Variants in SPRTN observed in about 807,000 individuals in gnomAD.
The protein encoded by SPRTN is DNA-dependent metalloprotease SPRTN.
In SPRTN, 11 loss-of-function variants were observed where a neutral mutation model predicts 31.9. The ratio of observed to expected loss-of-function variants is 0.34; its 90% CI spans 0.22 to 0.57. SPRTN has a LOEUF of 0.57. Ranked by LOEUF, SPRTN falls within the 20% of genes least tolerant of loss-of-function variation. The pLI is 0.86. For missense variants in SPRTN, 482 were observed against 590.1 expected, an observed-to-expected ratio of 0.82 and a Z score of 1.90; for synonymous variants, 185 against 212.1, an observed-to-expected ratio of 0.87 and a Z score of 1.11.
intron 2 of SPRTN, chr1:231,340,104 T>G (rs1686832462): frequency 5.8e-6 from 2 of 343,274 alleles, no homozygotes; most frequent in East Asian, 6.5e-5. Flanking sequence ...GGCTCACGCC[T>G]GTAATCCCGA....
chr1:231,348,043 G>A (rs990483330), intron 3 of SPRTN, 118 bp downstream of exon 3: 55 of 1,403,750 alleles, frequency 3.9e-5, no homozygotes, highest in African/African-American at 2.2e-4. Flanking sequence ...TTTCCACAGC[G>A]AACGAGAGGC....
chr1:231,354,091 G>T lies in SPRTN; in HGVS notation c.*730G>T. On this transcript the variant is annotated 3_prime_UTR_variant, in exon 5 of 5. Coordinates refer to ENST00000295050, the MANE Select transcript of SPRTN (RefSeq NM_032018.7). Reference sequence around the variant, plus strand: ...TGTTTTCTCAAAATTTAGCAGAGTGGTTAAAATTCTGTGCTGATAAGTAAC... The same window carrying T: ...TGTTTTCTCAAAATTTAGCAGAGTGTTTAAAATTCTGTGCTGATAAGTAAC... The T allele has an allele frequency of 1.0e-6, 1 of 984,660 alleles. No individual in the cohort carries two copies. The highest frequency in any genetic ancestry group is 1.2e-6 in the Non-Finnish European group (1 of 829,284). The allele number at this position is 984,660 out of a possible 1,614,324, so 61.0% of individuals were successfully genotyped here.
At position 231,354,774 on chromosome 1, in the gene SPRTN, T is replaced by C. The variant is rs1056146175; in HGVS notation, c.*1413T>C. The C allele has an allele frequency of 3.3e-5, 5 of 153,472 alleles. No individual in the cohort carries two copies. Among genetic ancestry groups the C allele is most frequent in the African/African-American group, 9.6e-5 (4 of 41,474 alleles). The allele number at this position is 153,472 out of a possible 1,614,324, so 9.5% of individuals were successfully genotyped here. A position where few individuals can be genotyped will look rare whatever the true frequency, so the allele number is the denominator to read the frequency against. ...TTGGGGCTGTTAAGCATAATGCTGCTAAGAACATTCTTATCTTTTCTGTTG... is the reference window on the plus strand; with the variant it reads ...TTGGGGCTGTTAAGCATAATGCTGCCAAGAACATTCTTATCTTTTCTGTTG... On this transcript the variant is annotated 3_prime_UTR_variant, in exon 5 of 5. Coordinates refer to ENST00000295050, the MANE Select transcript of SPRTN (RefSeq NM_032018.7).
intron 2 of SPRTN, among the ~76,000 whole-genome samples, chr1:231,346,364 T>TC (rs1687063485): frequency 6.7e-6 from 1 of 149,890 alleles, no homozygotes; most frequent in South Asian, 2.1e-4. Flanking sequence ...AGCCAAAATT[T>TC]TTTTTTTTTT....
At chr1:231,351,258 G>A in intron 3 of SPRTN, 46 bp from the exon 4 acceptor site, 1 of 1,399,692 alleles carries the variant, frequency 7.1e-7, no homozygotes, top group Non-Finnish European at 9.3e-7. Flanking sequence ...TTTTCTTGCA[G>A]TTGTTAACTT....
Position 231,352,785 on chromosome 1 carries a change from T to C in SPRTN, c.894T>C (p.Ser298=). ...NHSANAVRPN[S]KIKVKFEQNG... ...CAGCAAATGCTGTAAGACCTAATTCTAAAATCAAGGTGAAATTTGAACAGA... is the reference window on the plus strand; with the variant it reads ...CAGCAAATGCTGTAAGACCTAATTCCAAAATCAAGGTGAAATTTGAACAGA... Residue 298 remains serine (S), a synonymous_variant, in exon 5 of 5, where the codon TCT becomes TCC. Coordinates refer to ENST00000295050, the MANE Select transcript of SPRTN (RefSeq NM_032018.7). The C allele has an allele frequency of 6.2e-7, 1 of 1,613,884 alleles. No individual in the cohort carries two copies. Among genetic ancestry groups the C allele is most frequent in the Non-Finnish European group, 8.5e-7 (1 of 1,179,924 alleles).
In SPRTN at chr1:231,349,414, A is replaced by C. The variant is rs982559037; in HGVS notation, c.450+1489A>C. 6.6e-5 allele frequency among the ~76,000 whole-genome samples: 10 copies of C among 152,374 alleles called. No homozygotes were observed. In the South Asian group the frequency reaches 2.1e-3, roughly 32 times the overall value. ...AATCAGACATAAAATCCGGGTTAGC[A>C]AGAGAATTATAGACTTGCTTGTATA... On this transcript the variant is annotated intron_variant, in intron 3 of 4. Transcript: ENST00000295050.
At chr1:231,351,158 C>A in intron 3 of SPRTN, 146 bp from the exon 4 acceptor site, 1 of 1,165,838 alleles carries the variant, frequency 8.6e-7, no homozygotes, top group Non-Finnish European at 1.1e-6. Context: ...GTTGCTTTCT[C>A]TCCTAAAATA....
At chr1:231,342,804 C>T (rs1686937004) in intron 2 of SPRTN, among the ~76,000 whole-genome samples, 1 of 151,414 alleles carries the variant, frequency 6.6e-6, no homozygotes. Flanking sequence ...GGCGCATCTC[C>T]ACTCACTGCA....
At chr1:231,339,026 A>G (rs949517365) in intron 1 of SPRTN, among the ~76,000 whole-genome samples, 3 of 152,166 alleles carry the variant, frequency 2.0e-5, no homozygotes, top group African/African-American at 7.2e-5. Flanking sequence ...CCGTTAGGAA[A>G]CCCACTTTAG....
chr1:231,341,426 AT>A (rs1458238637), intron 2 of SPRTN, among the ~76,000 whole-genome samples: 1 of 151,890 alleles, frequency 6.6e-6, no homozygotes, highest in African/African-American at 2.4e-5. Flanking sequence ...TTTAGTGAGC[AT>A]TTCCTTAGAA....
rs1324471332 is a variant in SPRTN at position 231,339,846 on chromosome 1, G to A, written c.299G>A (p.Arg100Lys). The A allele has an allele frequency of 6.2e-7, 1 of 1,614,134 alleles. No homozygotes were observed. The highest frequency in any genetic ancestry group is 1.1e-5 in the South Asian group (1 of 91,080). ...IRLSEPLLKL[R>K]PRKDLVETLL... Reference sequence around the variant, plus strand: ...CTCAGCGAACCCCTTTTGAAGTTGAGGCCAAGAAAGGATCTTGTAGAGGTA... The same window carrying A: ...CTCAGCGAACCCCTTTTGAAGTTGAAGCCAAGAAAGGATCTTGTAGAGGTA... The change falls in exon 2 of 5, where the codon AGG (arginine) becomes AAG (lysine). Residue 100 changes from arginine (R) to lysine (K), a missense_variant. Arg to Lys is a conservative substitution (Grantham distance 26, BLOSUM62 2). Transcript: ENST00000295050.
chr1:231,338,334 C>T lies in SPRTN; in HGVS notation c.-50C>T, dbSNP rs944379841. 1 of 1,601,092 alleles carries T rather than the reference C, an allele frequency of 6.2e-7. No individual in the cohort carries two copies. Among genetic ancestry groups the T allele is most frequent in the Non-Finnish European group, 8.5e-7 (1 of 1,172,062 alleles). ...TAGGCGGCTTGGGGTCGCGGCGTAA[C>T]TGGGGAGCCAGCCTGACGCCGGCGG... On this transcript the variant is annotated 5_prime_UTR_variant, in exon 1 of 5. Coordinates refer to ENST00000295050, the MANE Select transcript of SPRTN (RefSeq NM_032018.7).
At chr1:231,342,978 C>T (rs1686943288) in intron 2 of SPRTN, among the ~76,000 whole-genome samples, 1 of 152,036 alleles carries the variant, frequency 6.6e-6, no homozygotes, top group Non-Finnish European at 1.5e-5. Flanking sequence ...ACCTCGTGAT[C>T]CGCCCGACTC....
At chr1:231,345,901 T>A (rs1299412198) in intron 2 of SPRTN, among the ~76,000 whole-genome samples, 1 of 152,058 alleles carries the variant, frequency 6.6e-6, no homozygotes, top group Non-Finnish European at 1.5e-5. Context: ...CAACCTTGAA[T>A]TCATGGCCTC....
At chr1:231,342,102 A>G (rs1316840975) in intron 2 of SPRTN, among the ~76,000 whole-genome samples, 1 of 152,142 alleles carries the variant, frequency 6.6e-6, no homozygotes, top group Non-Finnish European at 1.5e-5. Flanking sequence ...TGTTAACACA[A>G]CCTTCTTAGT....
At position 231,353,401 on chromosome 1, in the gene SPRTN, A is replaced by G. The variant is rs1558369554; in HGVS notation, c.*40A>G. On this transcript the variant is annotated 3_prime_UTR_variant, in exon 5 of 5. Coordinates refer to ENST00000295050, the MANE Select transcript of SPRTN (RefSeq NM_032018.7). ...TCTCAAGTACCACCTGTATTATCTC[A>G]CTAATGTGCTATGTCAGCCAGTCAG... 1 of 1,510,058 alleles carries G rather than the reference A, an allele frequency of 6.6e-7. No individual in the cohort carries two copies. The highest frequency in any genetic ancestry group is 1.8e-4 in the Middle Eastern group (1 of 5,600). The allele number at this position is 1,510,058 out of a possible 1,614,324, so 93.5% of individuals were successfully genotyped here.
chr1:231,341,714 C>T (rs1229755723), intron 2 of SPRTN, among the ~76,000 whole-genome samples: 3 of 152,122 alleles, frequency 2.0e-5, no homozygotes, highest in Non-Finnish European at 2.9e-5. Flanking sequence ...AGGCTGGGTG[C>T]GGTGGCTCAC....
Position 231,354,884 on chromosome 1 carries a change from C to A in SPRTN, c.*1523C>A. On this transcript the variant is annotated 3_prime_UTR_variant, in exon 5 of 5. Transcript: ENST00000295050. ...AAATTCTGCCAGTTTACACTCCTAC[C>A]AGCAATGTATGAGAGTTTTAGTTGT... is the stretch of plus-strand genomic sequence containing the variant. The A allele has an allele frequency of 2.3e-6, 1 of 428,704 alleles. No homozygotes were observed. The highest frequency in any genetic ancestry group is 3.1e-6 in the Non-Finnish European group (1 of 321,632). The allele number at this position is 428,704 out of a possible 1,614,324, so 26.6% of individuals were successfully genotyped here.
Sources: allele counts gnomAD v4.1 joint callset (sites outside exome capture counted in the v4.1 genomes callset), GRCh38; gene constraint gnomAD v4.1.1; transcripts MANE v1.5; gene names NCBI Gene and HGNC (gene_info 2026-07-23, HGNC 2026-07-21).